The following PCDHGB7 variants were observed in gnomAD, a reference collection of about 807,000 sequenced individuals.
The protein encoded by PCDHGB7 is protocadherin gamma subfamily B, 7, also known as protocadherin gamma-B7.
PCDHGB7 carries 37 observed loss-of-function variants against 61.4 expected under a neutral mutation model. That is an observed-to-expected ratio of 0.60 (90% CI 0.46 to 0.79). The LOEUF (loss-of-function observed/expected upper bound fraction) is 0.79, where lower values mean the gene tolerates loss of function less well. PCDHGB7 is among the 30% of genes least tolerant of loss of function. The pLI, the probability that PCDHGB7 is intolerant of heterozygous loss-of-function variation, is 0.00. For synonymous variants in PCDHGB7, 464 were observed against 503.5 expected, an observed-to-expected ratio of 0.92 and a Z score of 1.05; for missense variants, 1,166 against 1,202.5, an observed-to-expected ratio of 0.97 and a Z score of 0.45.
Position 141,469,939 on chromosome 5 carries a change from T to G in PCDHGB7, c.2416-24868T>G, listed in dbSNP as rs1376169822. Among the ~76,000 whole-genome samples, 3 of 152,186 alleles carry G rather than the reference T, an allele frequency of 2.0e-5. No individual in the cohort carries two copies. The East Asian group carries it at 5.8e-4, about 29-fold the overall frequency. On this transcript the variant is annotated intron_variant, in intron 1 of 3. Transcript: ENST00000398594. ...CGAGGTCAGGAGTTTGAGACCAGCC[T>G]GGCCAGCATGGTGAAACCCCATCTG...
chr5:141,422,450 G>C (rs748354292), intron 1 of PCDHGB7: 71 of 1,611,564 alleles, frequency 4.4e-5, no homozygotes, highest in Non-Finnish European at 5.9e-5. Flanking sequence ...TTGATAACAA[G>C]CAGAGTGCTG....
intron 1 of PCDHGB7, among the ~76,000 whole-genome samples, chr5:141,449,680 T>C (rs2098651613): frequency 6.6e-6 from 1 of 151,546 alleles, no homozygotes; most frequent in Admixed American, 6.6e-5. Flanking sequence ...TATGTATATA[T>C]GTTTGTGTGT....
At chr5:141,435,010 G>A (rs2097736933) in intron 1 of PCDHGB7, among the ~76,000 whole-genome samples, 1 of 151,950 alleles carries the variant, frequency 6.6e-6, no homozygotes, top group Non-Finnish European at 1.5e-5. Flanking sequence ...ATTTATCAAT[G>A]ATAATGCTCT....
intron 1 of PCDHGB7, among the ~76,000 whole-genome samples, chr5:141,482,530 CAA>C (rs3074545): frequency 2.5e-4 from 19 of 76,528 alleles, no homozygotes; most frequent in East Asian, 4.2e-4. Context: ...GACAGACATG[CAA>C]AAAAAAAAAA....
In PCDHGB7 at chr5:141,511,070, G is replaced by A. The variant is rs1341623011; in HGVS notation, c.2687G>A (p.Gly896Asp). ...PDYRQNVYIP[G>D]SNATLTNAAG... ...TACCGCCAGAATGTCTACATCCCAG[G>A]CAGCAATGCCACACTGACCAACGCA... The change falls in exon 4 of 4, where the codon GGC (glycine) becomes GAC (aspartate). Residue 896 changes from glycine to aspartate, a missense_variant. Physicochemically the swap from Gly to Asp is moderately conservative, Grantham distance 94 (BLOSUM62 -1). Transcript: ENST00000398594. 2.5e-6 allele frequency: 4 copies of A among 1,614,218 alleles called. No homozygotes were observed. Among genetic ancestry groups the A allele is most frequent in the Admixed American group, 1.7e-5 (1 of 60,030 alleles).
At chr5:141,451,503 A>G (rs1395798374) in intron 1 of PCDHGB7, among the ~76,000 whole-genome samples, 1 of 152,234 alleles carries the variant, frequency 6.6e-6, no homozygotes, top group African/African-American at 2.4e-5. Flanking sequence ...TAGGGCAACC[A>G]GCTTCTGTTA....
chr5:141,494,428 G>A (rs1476469017), intron 1 of PCDHGB7, among the ~76,000 whole-genome samples: 1 of 152,148 alleles, frequency 6.6e-6, no homozygotes, highest in African/African-American at 2.4e-5. Flanking sequence ...TCATTGAAAA[G>A]CCTCCTTTGC....
rs1407588828 is a variant in PCDHGB7 at position 141,419,217 on chromosome 5, G to A, written c.1358G>A (p.Gly453Glu). 6.2e-7 allele frequency: 1 copy of A among 1,613,936 alleles called. No individual in the cohort carries two copies. Among genetic ancestry groups the A allele is most frequent in the Admixed American group, 1.7e-5 (1 of 60,020 alleles). ...GTCAATGACAACGCGCCGGTTTTCG[G>A]ACAGTCAGCCTACCTGGTCCACGTG... The part of the protein sequence containing the change: ...TDVNDNAPVF[G>E]QSAYLVHVPE... Residue 453 changes from glycine to glutamate, a missense_variant, in exon 1 of 4, where the codon GGA becomes GAA. Transcript: ENST00000398594.
intron 1 of PCDHGB7, among the ~76,000 whole-genome samples, chr5:141,460,577 TGTG>T (rs2098992364): frequency 6.6e-6 from 1 of 152,094 alleles, no homozygotes; most frequent in African/African-American, 2.4e-5. Context: ...CATATGTAGG[TGTG>T]GGTTTTTTCT....
At chr5:141,452,084 C>CGG (rs1561946918) in intron 1 of PCDHGB7, among the ~76,000 whole-genome samples, 1 of 152,170 alleles carries the variant, frequency 6.6e-6, no homozygotes, top group Non-Finnish European at 1.5e-5. Context: ...TGGCATTATA[C>CGG]AGTAAGAAAG....
chr5:141,483,257 T>G, intron 1 of PCDHGB7, among the ~76,000 whole-genome samples: 1 of 137,924 alleles, frequency 7.3e-6, no homozygotes, highest in East Asian at 1.9e-4. Flanking sequence ...ATCATGAGGT[T>G]TTTTTGTTTT....
At position 141,485,010 on chromosome 5, in the gene PCDHGB7, C is replaced by T; in HGVS notation, c.2416-9797C>T. 1 of 629,958 alleles carries T rather than the reference C, an allele frequency of 1.6e-6. No homozygotes were observed. The highest frequency in any genetic ancestry group is 2.9e-6 in the Non-Finnish European group (1 of 350,608). 39.0% of individuals were successfully genotyped at this position (629,958 alleles called of 1,614,324 possible). On this transcript the variant is annotated intron_variant, in intron 1 of 3. Coordinates refer to ENST00000398594, the MANE Select transcript of PCDHGB7 (RefSeq NM_018927.4). This position sits in a 1 kb window ranked among gnomAD's most constrained non-coding sequence, Gnocchi z 5.7. ...GTGGTGAAAGGCAGACAAATCTACC[C>T]CGCCACCAGCAAAAACGGCGCGTAA...
At position 141,431,260 on chromosome 5, in the gene PCDHGB7, G is replaced by A. The variant is rs762250032; in HGVS notation, c.2415+10986G>A. The A allele has an allele frequency of 6.2e-7, 1 of 1,614,170 alleles. No individual in the cohort carries two copies. The highest frequency in any genetic ancestry group is 2.2e-5 in the East Asian group (1 of 44,892). On this transcript the variant is annotated intron_variant, in intron 1 of 3. Coordinates refer to ENST00000398594, the MANE Select transcript of PCDHGB7 (RefSeq NM_018927.4). The surrounding 1 kb of genome is among the most constrained non-coding windows in gnomAD (Gnocchi z 4.8). The stretch of plus-strand genomic sequence containing the variant: ...ATCCGGATATCGGGAAGAACTCTCT[G>A]CAGAGCTACGAGCTCAGCCCGAACA...
At chr5:141,427,944 A>C (rs780874108) in intron 1 of PCDHGB7, 63 of 1,586,294 alleles carry the variant, frequency 4.0e-5, no homozygotes, top group Non-Finnish European at 8.6e-6. Context: ...GGGCGACCTC[A>C]ATGACAATGT....
chr5:141,476,234 G>A lies in PCDHGB7; in HGVS notation c.2416-18573G>A. 6.2e-7 allele frequency: 1 copy of A among 1,614,070 alleles called. No individual in the cohort carries two copies. The highest frequency in any genetic ancestry group is 8.5e-7 in the Non-Finnish European group (1 of 1,180,014). On this transcript the variant is annotated intron_variant, in intron 1 of 3. Coordinates refer to ENST00000398594, the MANE Select transcript of PCDHGB7 (RefSeq NM_018927.4). The surrounding 1 kb of genome is among the most constrained non-coding windows in gnomAD (Gnocchi z 7.6). Reference sequence around the variant, plus strand: ...GGTCATTCACTATGAGATCCCGGAGGAAAGAGAGAAGGGTTTCGCTGTGGG... The same window carrying A: ...GGTCATTCACTATGAGATCCCGGAGAAAAGAGAGAAGGGTTTCGCTGTGGG...
intron 1 of PCDHGB7, among the ~76,000 whole-genome samples, chr5:141,452,416 C>T (rs2098741061): frequency 6.6e-6 from 1 of 152,144 alleles, no homozygotes; most frequent in African/African-American, 2.4e-5. Context: ...GAGGTATGCT[C>T]ACTGCTAATG....
chr5:141,433,935 T>C (rs2097665519), intron 1 of PCDHGB7, among the ~76,000 whole-genome samples: 1 of 152,150 alleles, frequency 6.6e-6, no homozygotes, highest in African/African-American at 2.4e-5. Context: ...GATTTTATAA[T>C]TCCATTGTTT....
At chr5:141,478,011 G>T (rs1216659966) in intron 1 of PCDHGB7, 1 of 1,614,088 alleles carries the variant, frequency 6.2e-7, no homozygotes, top group Non-Finnish European at 8.5e-7. Flanking sequence ...AGTACTGCCC[G>T]TCCAGTCCAA....
intron 1 of PCDHGB7, chr5:141,478,165 C>A: frequency 1.2e-6 from 2 of 1,614,038 alleles, no homozygotes; most frequent in Non-Finnish European, 1.7e-6. Context: ...GCTCTGCCCC[C>A]CGGGAGCAGA....
Sources: gnomAD v4.1 joint callset for allele counts (sites outside exome capture counted in the v4.1 genomes callset) on GRCh38, gnomAD v4.1.1 for gene constraint, Gnocchi (gnomAD v3.1) non-coding constraint, MANE v1.5 for transcripts, NCBI Gene and HGNC (gene_info 2026-07-23, HGNC 2026-07-21) for gene names.